Variants in MYO1D observed in about 807,000 individuals in gnomAD.
MYO1D encodes the protein unconventional myosin-Id.
In MYO1D, 83 loss-of-function variants were observed where a neutral mutation model predicts 122.0. That is an observed-to-expected ratio of 0.68 (90% CI 0.57 to 0.82). The LOEUF is 0.82. MYO1D is among the 40% of genes least tolerant of loss of function. MYO1D has a pLI of 0.00. For synonymous variants in MYO1D, 464 were observed against 446.9 expected (o/e 1.04, Z -0.48); for missense variants, 1,157 against 1,269.5 (o/e 0.91, Z 1.35).
At chr17:32,656,695 G>A (rs2088481008) in intron 17 of MYO1D, among the ~76,000 whole-genome samples, 1 of 152,166 alleles carries the variant, frequency 6.6e-6, no homozygotes, top group South Asian at 2.1e-4. Context: ...AAGACAGACT[G>A]TCCTAAGATC....
At chr17:32,678,247 T>C (rs886630974) in intron 16 of MYO1D, among the ~76,000 whole-genome samples, 7 of 114,166 alleles carry the variant, frequency 6.1e-5, no homozygotes, top group African/African-American at 8.6e-5. Context: ...CTCTCAAAAA[T>C]ATATTTCTTT....
At chr17:32,520,600 G>C (rs1910100225) in intron 21 of MYO1D, among the ~76,000 whole-genome samples, 1 of 152,232 alleles carries the variant, frequency 6.6e-6, no homozygotes, top group Non-Finnish European at 1.5e-5. Flanking sequence ...GTGTGGGCTG[G>C]CAGGGAGCTG....
chr17:32,790,770 A>G lies in MYO1D; in HGVS notation c.96-9986T>C, dbSNP rs1263173203. Among the ~76,000 whole-genome samples the G allele has an allele frequency of 2.0e-5, 3 of 152,242 alleles. No individual in the cohort carries two copies. The East Asian group carries it at 5.8e-4, about 29-fold the overall frequency. The stretch of plus-strand genomic sequence containing the variant: ...ACAAACTCATAGTATATGCAGGGCA[A>G]AGAGAGAGAAGAGGGAGAGAGGAAG... On this transcript the variant is annotated intron_variant, in intron 1 of 21. Coordinates refer to ENST00000318217, the MANE Select transcript of MYO1D (RefSeq NM_015194.3).
At chr17:32,699,620 A>C (rs1158805937) in intron 16 of MYO1D, among the ~76,000 whole-genome samples, 1 of 152,224 alleles carries the variant, frequency 6.6e-6, no homozygotes, top group Non-Finnish European at 1.5e-5. Flanking sequence ...TAAAGTCCTT[A>C]TCTGTAGATT....
At chr17:32,713,962 C>T (rs994846135) in intron 15 of MYO1D, among the ~76,000 whole-genome samples, 1 of 151,872 alleles carries the variant, frequency 6.6e-6, no homozygotes, top group Non-Finnish European at 1.5e-5. Context: ...TTGTCCTATT[C>T]AAGAACAAGA....
intron 4 of MYO1D, among the ~76,000 whole-genome samples, chr17:32,774,829 T>C (rs2090157226): frequency 6.6e-6 from 1 of 152,222 alleles, no homozygotes; most frequent in African/African-American, 2.4e-5. Flanking sequence ...CTTCATTATA[T>C]GGCCATAAAG....
At chr17:32,795,642 C>T (rs1434054041) in intron 1 of MYO1D, among the ~76,000 whole-genome samples, 2 of 152,106 alleles carry the variant, frequency 1.3e-5, no homozygotes, top group East Asian at 1.9e-4. Context: ...AGATTCTCCC[C>T]GGGGCCTGAA....
At chr17:32,587,463 GATCGTGCCACTGCACTCCA>G (rs1034781904) in intron 21 of MYO1D, among the ~76,000 whole-genome samples, 4 of 148,784 alleles carry the variant, frequency 2.7e-5, no homozygotes, top group African/African-American at 9.9e-5. Context: ...AGTGAGCCAA[GATCGTGCCACTGCACTCCA>G]GCCTGGGTGA....
Position 32,738,388 on chromosome 17 carries a change from G to C in MYO1D, c.1614-3C>G, listed in dbSNP as rs2089733409. On this transcript the variant is annotated splice_region_variant and splice_polypyrimidine_tract_variant and intron_variant, in intron 13 of 21. Transcript: ENST00000318217. Reference sequence around the variant, plus strand: ...TATTCTTGAGCACAGGATTTGAACTGAGAAGCACAGAAAAAACAATTCAAA... The same window carrying C: ...TATTCTTGAGCACAGGATTTGAACTCAGAAGCACAGAAAAAACAATTCAAA... 2 of 1,564,656 alleles carry C rather than the reference G, an allele frequency of 1.3e-6. No individual in the cohort carries two copies. The highest frequency in any genetic ancestry group is 1.9e-5 in the Admixed American group (1 of 51,770).
intron 13 of MYO1D, among the ~76,000 whole-genome samples, chr17:32,739,252 A>G (rs2089745166): frequency 6.6e-6 from 1 of 152,136 alleles, no homozygotes; most frequent in Non-Finnish European, 1.5e-5. Flanking sequence ...CCAAATGTCC[A>G]TCAATGATAG....
intron 16 of MYO1D, among the ~76,000 whole-genome samples, chr17:32,673,955 T>C (rs1038353984): frequency 6.6e-6 from 1 of 152,238 alleles, no homozygotes; most frequent in Non-Finnish European, 1.5e-5. Context: ...CTGCAATGAT[T>C]AGAATGGGAA....
At chr17:32,728,842 C>A (rs184801723) in intron 14 of MYO1D, among the ~76,000 whole-genome samples, 1 of 152,212 alleles carries the variant, frequency 6.6e-6, no homozygotes, top group Admixed American at 6.5e-5. Flanking sequence ...TGGACTATTA[C>A]CAGTACTGAG....
At chr17:32,773,952 C>A (rs2090149165) in intron 4 of MYO1D, among the ~76,000 whole-genome samples, 1 of 152,118 alleles carries the variant, frequency 6.6e-6, no homozygotes, top group South Asian at 2.1e-4. Flanking sequence ...GTCTCCACCC[C>A]AAGCTCTGAG....
intron 1 of MYO1D, among the ~76,000 whole-genome samples, chr17:32,829,131 T>A (rs2090749845): frequency 6.6e-6 from 1 of 152,142 alleles, no homozygotes; most frequent in African/African-American, 2.4e-5. Context: ...TAAGATGAAA[T>A]CTTGAAATAG....
chr17:32,639,282 C>T (rs1033781655), intron 19 of MYO1D, among the ~76,000 whole-genome samples: 4 of 149,614 alleles, frequency 2.7e-5, no homozygotes, highest in African/African-American at 9.9e-5. Context: ...AGGGATAAGA[C>T]AAATAGGAAA....
intron 1 of MYO1D, among the ~76,000 whole-genome samples, chr17:32,806,675 C>T (rs1400190101): frequency 6.6e-6 from 1 of 152,208 alleles, no homozygotes; most frequent in East Asian, 1.9e-4. Context: ...CCATGAATGG[C>T]CAAACCTCCA....
chr17:32,589,996 G>A (rs1403652118), intron 21 of MYO1D, among the ~76,000 whole-genome samples: 8 of 152,174 alleles, frequency 5.3e-5, no homozygotes, highest in Non-Finnish European at 1.0e-4. Context: ...TGTTCCTCAA[G>A]TTCCCACTTC....
chr17:32,676,343 G>A (rs1215068416), intron 16 of MYO1D, among the ~76,000 whole-genome samples: 1 of 137,948 alleles, frequency 7.2e-6, no homozygotes, highest in Non-Finnish European at 1.6e-5. Flanking sequence ...TTTGTGAATT[G>A]TTTCTCTATT....
At chr17:32,746,052 C>T (rs1660432755) in intron 12 of MYO1D, among the ~76,000 whole-genome samples, 2 of 152,200 alleles carry the variant, frequency 1.3e-5, no homozygotes, top group South Asian at 4.1e-4. Flanking sequence ...TACAGTTCTG[C>T]TCTCGTGCCT....
Sources: gnomAD v4.1 joint callset for allele counts (sites outside exome capture counted in the v4.1 genomes callset) on GRCh38, gnomAD v4.1.1 for gene constraint, MANE v1.5 for transcripts, NCBI Gene and HGNC (gene_info 2026-07-23, HGNC 2026-07-21) for gene names.